The following VPS13B variants were observed in gnomAD, a reference collection of about 807,000 sequenced individuals.
The protein encoded by VPS13B is vacuolar protein sorting 13 homolog B, also known as intermembrane lipid transfer protein VPS13B.
VPS13B carries 285 observed loss-of-function variants against 426.4 expected under a neutral mutation model. The ratio of observed to expected loss-of-function variants is 0.67; its 90% CI spans 0.61 to 0.74. VPS13B has a LOEUF of 0.74. Ranked by LOEUF, VPS13B falls within the 30% of genes least tolerant of loss-of-function variation. The pLI, the probability that VPS13B is intolerant of heterozygous loss-of-function variation, is 0.00. For synonymous variants in VPS13B, 1,676 were observed against 1,676.4 expected, an observed-to-expected ratio of 1.00 and a Z score of 0.01; for missense variants, 4,537 against 4,782.6, an observed-to-expected ratio of 0.95 and a Z score of 1.51.
intron 19 of VPS13B, among the ~76,000 whole-genome samples, chr8:99,286,443 T>TA (rs1208706446): frequency 2.0e-5 from 3 of 152,122 alleles, no homozygotes; most frequent in Non-Finnish European, 4.4e-5. Flanking sequence ...AAGGAGAATT[T>TA]AAAAAACAGA....
At chr8:99,564,542 G>T (rs1267892721) in intron 31 of VPS13B, among the ~76,000 whole-genome samples, 2 of 152,162 alleles carry the variant, frequency 1.3e-5, no homozygotes, top group African/African-American at 4.8e-5. Flanking sequence ...CAAGAGTCAG[G>T]AAGAAGAAGT....
chr8:99,490,879 G>A (rs1243870097), intron 25 of VPS13B, among the ~76,000 whole-genome samples: 1 of 151,974 alleles, frequency 6.6e-6, no homozygotes, highest in African/African-American at 2.4e-5. Flanking sequence ...TTTTTTGAAG[G>A]GTTTTTTGTG....
intron 8 of VPS13B, among the ~76,000 whole-genome samples, chr8:99,131,837 C>T (rs1328268852): frequency 1.3e-5 from 2 of 152,108 alleles, no homozygotes; most frequent in Non-Finnish European, 2.9e-5. Context: ...TTAATTGACT[C>T]TTCCTTTCAT....
At chr8:99,213,147 C>T (rs1486852108) in intron 17 of VPS13B, among the ~76,000 whole-genome samples, 1 of 152,052 alleles carries the variant, frequency 6.6e-6, no homozygotes, top group African/African-American at 2.4e-5. Context: ...GGTAATATGG[C>T]GTGTGTTTTT....
intron 19 of VPS13B, among the ~76,000 whole-genome samples, chr8:99,335,017 T>C (rs964141342): frequency 6.6e-5 from 10 of 152,188 alleles, no homozygotes; most frequent in African/African-American, 2.4e-4. Context: ...AGCTATTGAT[T>C]ATTGCCACAA....
At chr8:99,376,481 T>C (rs907062569) in intron 19 of VPS13B, among the ~76,000 whole-genome samples, 11 of 152,194 alleles carry the variant, frequency 7.2e-5, no homozygotes, top group African/African-American at 2.4e-4. Flanking sequence ...TATAATGTAA[T>C]CATATAACTT....
intron 19 of VPS13B, among the ~76,000 whole-genome samples, chr8:99,359,744 T>C (rs1163296079): frequency 6.6e-6 from 1 of 152,234 alleles, no homozygotes; most frequent in African/African-American, 2.4e-5. Context: ...GTGCCCATTC[T>C]AAATGAAAAG....
chr8:99,418,490 TCTTTCTTTCTTTCTTTCTTTCTTTC>T (rs1307580970), intron 21 of VPS13B, among the ~76,000 whole-genome samples: 17 of 148,264 alleles, frequency 1.1e-4, no homozygotes, highest in Non-Finnish European at 1.6e-4. Flanking sequence ...TTTCTTTCTT[TCTTTCTTTCTTTCTTTCTTTCTTTC>T]CTTTCTTTCT....
chr8:99,479,112 A>C (rs1563752587), intron 24 of VPS13B, among the ~76,000 whole-genome samples: 1 of 151,070 alleles, frequency 6.6e-6, no homozygotes, highest in East Asian at 1.9e-4. Flanking sequence ...CCACCTAGGG[A>C]CTCTTCATCA....
rs183348813 is a variant in VPS13B, at chr8:99,816,836, A to T, written c.8098-704A>T. The stretch of plus-strand genomic sequence containing the variant: ...ACTAAATAAATAAACTGAATAAAAT[A>T]AAAAAAATTAGATATCTGCATCAAA... On this transcript the variant is annotated intron_variant, in intron 44 of 61. Coordinates refer to ENST00000357162, the MANE Select transcript of VPS13B (RefSeq NM_152564.5). 1.7e-3 allele frequency among the ~76,000 whole-genome samples: 264 copies of T among 152,150 alleles called. 1 individual carries two copies. The highest frequency in any genetic ancestry group is 5.5e-3 in the African/African-American group (230 of 41,518).
intron 54 of VPS13B, among the ~76,000 whole-genome samples, chr8:99,838,879 GTT>G (rs928662762): frequency 1.3e-5 from 2 of 152,212 alleles, no homozygotes; most frequent in Non-Finnish European, 2.9e-5. Flanking sequence ...AGAGCAATGT[GTT>G]TGAAGCTTCA....
At chr8:99,396,135 C>T (rs1354513731) in intron 21 of VPS13B, among the ~76,000 whole-genome samples, 1 of 152,054 alleles carries the variant, frequency 6.6e-6, no homozygotes, top group Admixed American at 6.5e-5. Flanking sequence ...GGGTAGGGCT[C>T]ACTGAAAGTT....
At chr8:99,418,864 G>A (rs1816222621) in intron 21 of VPS13B, among the ~76,000 whole-genome samples, 1 of 152,294 alleles carries the variant, frequency 6.6e-6, no homozygotes, top group East Asian at 1.9e-4. Flanking sequence ...TCTAGAGCTT[G>A]CGCTCTTCTA....
intron 40 of VPS13B, among the ~76,000 whole-genome samples, chr8:99,774,896 C>T (rs1238085484): frequency 6.6e-6 from 1 of 152,152 alleles, no homozygotes; most frequent in Non-Finnish European, 1.5e-5. Context: ...TAACCTAGTG[C>T]TCCAGAGTCT....
chr8:99,488,703 T>G (rs1454511561), intron 25 of VPS13B, among the ~76,000 whole-genome samples: 1 of 152,140 alleles, frequency 6.6e-6, no homozygotes, highest in Non-Finnish European at 1.5e-5. Context: ...CTGACTGATA[T>G]TAGCTTGATT....
chr8:99,642,536 C>A (rs1204767236), intron 34 of VPS13B, 38 bp downstream of exon 34: 5 of 1,536,366 alleles, frequency 3.3e-6, no homozygotes, highest in Non-Finnish European at 4.4e-6. Context: ...CTAATAATTA[C>A]TATCTAATAA....
chr8:99,811,435 C>T (rs1813694146), intron 44 of VPS13B, among the ~76,000 whole-genome samples: 2 of 152,116 alleles, frequency 1.3e-5, no homozygotes, highest in African/African-American at 4.8e-5. Flanking sequence ...ATCAGAATCC[C>T]CTGGAGGGCT....
intron 56 of VPS13B, among the ~76,000 whole-genome samples, chr8:99,856,979 G>A (rs1356996612): frequency 6.6e-6 from 1 of 152,196 alleles, no homozygotes; most frequent in African/African-American, 2.4e-5. Context: ...TTTATCCTGA[G>A]GCCCCTCTCT....
intron 3 of VPS13B, among the ~76,000 whole-genome samples, chr8:99,080,581 G>A (rs1845389530): frequency 6.6e-6 from 1 of 151,996 alleles, no homozygotes; most frequent in Non-Finnish European, 1.5e-5. Flanking sequence ...CTGTTCCATT[G>A]GCTTGTTTAA....
Sources: allele counts gnomAD v4.1 joint callset (sites outside exome capture counted in the v4.1 genomes callset), GRCh38; gene constraint gnomAD v4.1.1; transcripts MANE v1.5; gene names NCBI Gene and HGNC (gene_info 2026-07-23, HGNC 2026-07-21).